TNRC6A: variants seen among roughly 807,000 people sequenced by gnomAD.
TNRC6A encodes the protein trinucleotide repeat containing adaptor 6A.
A neutral mutation model predicts 221.2 loss-of-function variants in TNRC6A; 44 were observed. The observed-to-expected ratio is 0.20, with a 90% CI of 0.16 to 0.26. The LOEUF (loss-of-function observed/expected upper bound fraction) is 0.26, where lower values mean the gene tolerates loss of function less well. Among genes scored for constraint, TNRC6A ranks in the 10% least tolerant of loss-of-function variants. The probability of loss-of-function intolerance (pLI) is 1.00; values close to 1 mark genes in which losing one functional copy is unlikely to be tolerated. For missense variants in TNRC6A, 2,199 were observed against 2,404.4 expected (o/e 0.91, Z 1.79); for synonymous variants, 847 against 838.5 (o/e 1.01, Z -0.18).
At position 24,762,457 on chromosome 16, in the gene TNRC6A, A is replaced by G. The variant is rs145874267; in HGVS notation, c.163+4097A>G. On this transcript the variant is annotated intron_variant, in intron 4 of 24. Transcript: ENST00000395799. The stretch of plus-strand genomic sequence containing the variant: ...AAAATATTCTAAATATTTAACCACT[A>G]ATAATGAATGGGTATCAGCAGTTCA... Among the ~76,000 whole-genome samples, 402 of 152,246 alleles carry G rather than the reference A, an allele frequency of 2.6e-3. 2 individuals are homozygous for G. Among genetic ancestry groups the G allele is most frequent in the African/African-American group, 9.5e-3 (394 of 41,580 alleles).
At chr16:24,723,657 A>T (rs974187797) in intron 2 of TNRC6A, among the ~76,000 whole-genome samples, 1 of 151,686 alleles carries the variant, frequency 6.6e-6, no homozygotes, top group Non-Finnish European at 1.5e-5. Context: ...CCACAAAATG[A>T]GGAATTCCTC....
chr16:24,692,980 A>G (rs2055785724), intron 2 of TNRC6A, among the ~76,000 whole-genome samples: 1 of 152,184 alleles, frequency 6.6e-6, no homozygotes, highest in Non-Finnish European at 1.5e-5. Flanking sequence ...ACATTCGGGT[A>G]AACCGGTAAT....
rs550667948 is a variant in TNRC6A at position 24,815,096 on chromosome 16, T to G, written c.4673-51T>G. ...GCTACATTTGAAAAGCTATAAGAAA[T>G]AAATCTGTGTGTATTTTGCTCACAT... On this transcript the variant is annotated intron_variant, in intron 18 of 24. Transcript: ENST00000395799. 1.4e-5 allele frequency: 23 copies of G among 1,587,196 alleles called. No individual in the cohort carries two copies. The South Asian group carries it at 1.9e-4, about 13-fold the overall frequency.
chr16:24,748,645 T>C (rs1312356163), intron 2 of TNRC6A, among the ~76,000 whole-genome samples: 1 of 152,212 alleles, frequency 6.6e-6, no homozygotes, highest in Non-Finnish European at 1.5e-5. Context: ...CATTTCATTT[T>C]TCGGTGTCTG....
rs1429311475 is a variant in TNRC6A, at chr16:24,805,656, C to T, written c.4174C>T (p.Leu1392Phe). 1.9e-6 allele frequency: 3 copies of T among 1,614,250 alleles called. No individual in the cohort carries two copies. The highest frequency in any genetic ancestry group is 1.3e-5 in the African/African-American group (1 of 75,070). Reference protein sequence around the residue: ...YAPNNGGLNPLFGPQQVAMLN... With the variant: ...YAPNNGGLNPFFGPQQVAMLN... ...ACCAAACAACGGTGGCCTGAATCCA[C>T]TCTTTGGCCCTCAACAGGTAGCCAT... The change falls in exon 15 of 25, where the codon CTC becomes TTC. Residue 1392 changes from leucine (L) to phenylalanine (F), a missense_variant. Physicochemically the swap from Leu to Phe is conservative, Grantham distance 22 (BLOSUM62 0). This residue lies in a region of TNRC6A where 449 missense variants were observed against 579.7 expected (regional missense o/e 0.77). Coordinates refer to ENST00000395799, the MANE Select transcript of TNRC6A (RefSeq NM_014494.4).
intron 2 of TNRC6A, among the ~76,000 whole-genome samples, chr16:24,686,163 C>T (rs187890610): frequency 3.0e-4 from 46 of 152,260 alleles, no homozygotes; most frequent in Middle Eastern, 3.4e-3. Flanking sequence ...TCCATGGCAA[C>T]GCGATTTCCT....
intron 2 of TNRC6A, chr16:24,670,953 C>G (rs563248615): frequency 2.5e-6 from 1 of 405,526 alleles, no homozygotes; most frequent in East Asian, 9.4e-5. Context: ...GTACCAGCAC[C>G]CCCAGGCCAT....
intron 11 of TNRC6A, among the ~76,000 whole-genome samples, chr16:24,799,071 T>C (rs900858207): frequency 6.6e-6 from 1 of 152,206 alleles, no homozygotes. Flanking sequence ...TGCTGGTAGA[T>C]GCTGCCAACC....
intron 1 of TNRC6A, 150 bp from the exon 2 acceptor site, chr16:24,730,103 C>T (rs1025251141): frequency 1.2e-6 from 1 of 815,430 alleles, no homozygotes; most frequent in Non-Finnish European, 1.8e-6. Context: ...GCTGCAGCCC[C>T]GCAGCTTTGT....
At chr16:24,788,235 A>G (rs993637666) in intron 5 of TNRC6A, among the ~76,000 whole-genome samples, 5 of 152,216 alleles carry the variant, frequency 3.3e-5, no homozygotes, top group African/African-American at 9.6e-5. Flanking sequence ...TGAGATCATA[A>G]TAATTCTGTG....
At position 24,804,183 on chromosome 16, in the gene TNRC6A, T is replaced by C; in HGVS notation, c.3701T>C (p.Leu1234Ser). 3.7e-6 allele frequency: 6 copies of C among 1,606,066 alleles called. No individual in the cohort carries two copies. Among genetic ancestry groups the C allele is most frequent in the Non-Finnish European group, 5.1e-6 (6 of 1,178,174 alleles). The change falls in exon 12 of 25, where the codon TTA becomes TCA. Residue 1234 changes from leucine to serine, a missense_variant. Leu to Ser is a moderately radical substitution (Grantham distance 145). Around this residue, in one of 8 missense-constraint regions of TNRC6A, gnomAD observed 158 missense variants for 159.1 expected, o/e 0.99. Transcript: ENST00000395799. ...SNKMDLSGGMLQDKRMEIDKH... is the reference protein window; with the variant it reads ...SNKMDLSGGMSQDKRMEIDKH... The stretch of plus-strand genomic sequence containing the variant: ...AGTCTCCTGCCTTTATTAGGAATGT[T>C]ACAAGACAAACGAATGGAGATAGAT...
At chr16:24,749,222 C>T (rs140417224) in intron 2 of TNRC6A, among the ~76,000 whole-genome samples, 3 of 152,248 alleles carry the variant, frequency 2.0e-5, no homozygotes, top group African/African-American at 7.2e-5. Flanking sequence ...TCCGCCTTTG[C>T]AAAGGTTTTT....
At chr16:24,649,256 T>C (rs921198550) in intron 2 of TNRC6A, among the ~76,000 whole-genome samples, 1 of 152,230 alleles carries the variant, frequency 6.6e-6, no homozygotes, top group Non-Finnish European at 1.5e-5. Context: ...ATTTAACATA[T>C]GCATGTTACC....
intron 2 of TNRC6A, among the ~76,000 whole-genome samples, chr16:24,710,397 C>G (rs945050183): frequency 6.6e-6 from 1 of 151,758 alleles, no homozygotes; most frequent in Non-Finnish European, 1.5e-5. Flanking sequence ...CACTGGAGCC[C>G]AGGAGTTCAA....
At chr16:24,649,972 C>T (rs1047864792) in intron 2 of TNRC6A, among the ~76,000 whole-genome samples, 6 of 151,702 alleles carry the variant, frequency 4.0e-5, no homozygotes, top group South Asian at 4.2e-4. Context: ...TACAGGCATG[C>T]GCAACCAAGC....
intron 2 of TNRC6A, among the ~76,000 whole-genome samples, chr16:24,682,871 C>G (rs540077322): frequency 1.6e-4 from 24 of 152,326 alleles, no homozygotes; most frequent in African/African-American, 4.6e-4. Context: ...AGTGTATACA[C>G]TTAGCCTCCC....
chr16:24,669,161 G>A (rs760923938), intron 2 of TNRC6A, among the ~76,000 whole-genome samples: 5 of 152,070 alleles, frequency 3.3e-5, no homozygotes, highest in Non-Finnish European at 5.9e-5. Context: ...GGAAACTTGA[G>A]GGATGAGTTT....
Position 24,790,380 on chromosome 16 carries a change from A to G in TNRC6A, c.1738A>G (p.Asn580Asp), listed in dbSNP as rs141353313. The G allele has an allele frequency of 1.3e-5, 21 of 1,614,104 alleles. No homozygotes were observed. The highest frequency in any genetic ancestry group is 4.5e-5 in the East Asian group (2 of 44,898). ...GGGVWESGAANSQSTSWGSGN... is the reference protein window; with the variant it reads ...GGGVWESGAADSQSTSWGSGN... Reference sequence around the variant, plus strand: ...TGGTGTGTGGGAATCTGGTGCAGCAAACTCCCAGAGTACATCATGGGGAAG... The same window carrying G: ...TGGTGTGTGGGAATCTGGTGCAGCAGACTCCCAGAGTACATCATGGGGAAG... Residue 580 changes from asparagine (N) to aspartate (D), a missense_variant, in exon 6 of 25, where the codon AAC becomes GAC. By Grantham distance (23) the Asn-to-Asp change is conservative. Coordinates refer to ENST00000395799, the MANE Select transcript of TNRC6A (RefSeq NM_014494.4).
chr16:24,771,140 A>T (rs959651761), intron 4 of TNRC6A, among the ~76,000 whole-genome samples: 2 of 152,210 alleles, frequency 1.3e-5, no homozygotes, highest in African/African-American at 4.8e-5. Flanking sequence ...AAATAGAACA[A>T]TTTTTTTTAA....
Sources: gnomAD v4.1 joint callset for allele counts (sites outside exome capture counted in the v4.1 genomes callset) on GRCh38, gnomAD v4.1.1 for gene constraint, gnomAD v4.1.1 regional missense constraint, MANE v1.5 for transcripts, NCBI Gene and HGNC (gene_info 2026-07-23, HGNC 2026-07-21) for gene names.